LRCH3: variants seen among roughly 807,000 people sequenced by gnomAD.
LRCH3 encodes the protein leucine rich repeats and calponin homology domain containing 3, also known as DISP complex protein LRCH3.
In LRCH3, 68 loss-of-function variants were observed where a neutral mutation model predicts 104.5. The observed-to-expected ratio is 0.65, with a 90% CI of 0.54 to 0.80. The LOEUF (loss-of-function observed/expected upper bound fraction) is 0.80, where lower values mean the gene tolerates loss of function less well. Ranked by LOEUF, LRCH3 falls within the 30% of genes least tolerant of loss-of-function variation. LRCH3 has a pLI of 0.00. For synonymous variants in LRCH3, 344 were observed against 361.3 expected, an observed-to-expected ratio of 0.95 and a Z score of 0.54; for missense variants, 951 against 953.9, an observed-to-expected ratio of 1.00 and a Z score of 0.04.
At chr3:197,848,672 G>A (rs192090088) in intron 12 of LRCH3, among the ~76,000 whole-genome samples, 1 of 152,150 alleles carries the variant, frequency 6.6e-6, no homozygotes, top group African/African-American at 2.4e-5. Flanking sequence ...AACCATGTCT[G>A]TTTTACTTAC....
At chr3:197,852,741 C>T in intron 13 of LRCH3, 121 bp downstream of exon 13, 1 of 985,628 alleles carries the variant, frequency 1.0e-6, no homozygotes, top group Middle Eastern at 2.4e-4. Context: ...TTTTCCACCT[C>T]ACAATATTCT....
chr3:197,879,487 A>C (rs1713343805), intron 20 of LRCH3, among the ~76,000 whole-genome samples: 3 of 151,274 alleles, frequency 2.0e-5, no homozygotes, highest in Admixed American at 6.5e-5. Context: ...TCTACTAAAA[A>C]TACAAAAAAT....
At chr3:197,817,345 T>TGTGTG in intron 3 of LRCH3, 43 bp downstream of exon 3, 1 of 424,360 alleles carries the variant, frequency 2.4e-6, no homozygotes, top group Non-Finnish European at 3.3e-6. Flanking sequence ...TGTGTGTGTG[T>TGTGTG]CTGTGTGTGT....
intron 10 of LRCH3, among the ~76,000 whole-genome samples, chr3:197,841,167 G>T (rs940396411): frequency 2.0e-5 from 3 of 152,216 alleles, no homozygotes; most frequent in Non-Finnish European, 4.4e-5. Context: ...CAAAGTCAGG[G>T]TATCGGCTGG....
At chr3:197,820,296 A>G (rs1339723473) in intron 3 of LRCH3, 29 bp from the exon 4 acceptor site, 3 of 1,476,140 alleles carry the variant, frequency 2.0e-6, no homozygotes, top group East Asian at 2.3e-5. Flanking sequence ...ATGTTAGGAC[A>G]ATCTTTATTT....
chr3:197,850,293 G>T, intron 12 of LRCH3: 1 of 624,032 alleles, frequency 1.6e-6, no homozygotes, highest in Non-Finnish European at 2.8e-6. Context: ...ACTATTTTAA[G>T]TACATTATAT....
Position 197,877,769 on chromosome 3 carries a change from G to GT in LRCH3, c.2208+2004dup, listed in dbSNP as rs1289530075. Among the ~76,000 whole-genome samples, 341 of 148,056 alleles carry GT rather than the reference G, an allele frequency of 2.3e-3. 2 individuals are homozygous for GT. The highest frequency in any genetic ancestry group is 0.01 in the South Asian group (49 of 4,700). On this transcript the variant is annotated intron_variant, in intron 20 of 20. Transcript: ENST00000425562. Reference sequence around the variant, plus strand: ...TTATTTTTTACTTTTTTCTTTTGCTGTTTTTTTTTTAACTGAATTATACAA... The same window carrying GT: ...TTATTTTTTACTTTTTTCTTTTGCTGTTTTTTTTTTTAACTGAATTATACAA...
At chr3:197,825,591 T>G (rs559970045) in intron 4 of LRCH3, among the ~76,000 whole-genome samples, 1 of 145,208 alleles carries the variant, frequency 6.9e-6, no homozygotes, top group African/African-American at 2.5e-5. Flanking sequence ...GCCATTCTCC[T>G]GTCTCAGCCT....
rs1580820776 is a variant in LRCH3, at chr3:197,854,278, G to A, written c.1591-114G>A. ...TGTGAATGTGGTCCTCTATGTCAAC[G>A]TCTTCAAAAGTATGTCTTAATATGT... On this transcript the variant is annotated intron_variant, in intron 13 of 20. Transcript: ENST00000425562. The surrounding 1 kb of genome is among the most constrained non-coding windows in gnomAD (Gnocchi z 4.5). The A allele has an allele frequency of 1.6e-5, 14 of 902,542 alleles. No homozygotes were observed. Among genetic ancestry groups the A allele is most frequent in the African/African-American group, 4.9e-5 (3 of 60,958 alleles). The allele number at this position is 902,542 out of a possible 1,614,324, so 55.9% of individuals were successfully genotyped here.
At chr3:197,809,557 C>T (rs1460100797) in intron 1 of LRCH3, among the ~76,000 whole-genome samples, 5 of 152,024 alleles carry the variant, frequency 3.3e-5, no homozygotes. Flanking sequence ...TTGTTACAGT[C>T]CCATAAGTCC....
intron 1 of LRCH3, among the ~76,000 whole-genome samples, chr3:197,802,158 A>G (rs1045073594): frequency 1.6e-4 from 24 of 152,160 alleles, no homozygotes; most frequent in African/African-American, 5.1e-4. Flanking sequence ...GCCTCTTTTG[A>G]TTAATTCTAA....
At chr3:197,842,446 T>C (rs1737941869) in intron 10 of LRCH3, among the ~76,000 whole-genome samples, 1 of 152,174 alleles carries the variant, frequency 6.6e-6, no homozygotes, top group East Asian at 1.9e-4. Context: ...CTAATCTGAA[T>C]AACATGTTAA....
rs1714376295 is a variant in LRCH3, at chr3:197,888,091, AGTGACTAATGATGT to A, written c.*4433_*4446del. The stretch of plus-strand genomic sequence containing the variant: ...TTTCTCTTACTTTCTACAGCTCAGC[AGTGACTAATGATGT>A]GTGACTATGCGAATGAGTTTGATGA... On this transcript the variant is annotated 3_prime_UTR_variant, in exon 21 of 21. Transcript: ENST00000425562. The A allele has an allele frequency of 6.6e-6, 1 of 152,266 alleles. No individual in the cohort carries two copies. The highest frequency in any genetic ancestry group is 2.4e-5 in the African/African-American group (1 of 41,482). The allele number at this position is 152,266 out of a possible 1,614,324, so 9.4% of individuals were successfully genotyped here.
rs912253978 is a variant in LRCH3 at position 197,847,527 on chromosome 3, C to T, written c.1380+67C>T. ...AGATGATTTTTTTTCTTTTATAATA[C>T]TTAAATTGCCATTAATTGCCAGGTA... On this transcript the variant is annotated intron_variant, in intron 11 of 20. Transcript: ENST00000425562. 76 of 1,374,244 alleles carry T rather than the reference C, an allele frequency of 5.5e-5. No individual in the cohort carries two copies. The Admixed American group carries it at 1.5e-3, about 28-fold the overall frequency. The allele number at this position is 1,374,244 out of a possible 1,614,324, so 85.1% of individuals were successfully genotyped here. A position where few individuals can be genotyped will look rare whatever the true frequency, so the allele number is the denominator to read the frequency against.
In LRCH3 at chr3:197,847,429, C is replaced by T. The variant is rs752267836; in HGVS notation, c.1349C>T (p.Ser450Phe). The T allele has an allele frequency of 6.2e-7, 1 of 1,600,392 alleles. No individual in the cohort carries two copies. Among genetic ancestry groups the T allele is most frequent in the Non-Finnish European group, 8.5e-7 (1 of 1,174,998 alleles). Residue 450 changes from serine to phenylalanine, a missense_variant, in exon 11 of 21, where the codon TCC becomes TTC. Physicochemically the swap from Ser to Phe is radical, Grantham distance 155. Coordinates refer to ENST00000425562, the MANE Select transcript of LRCH3 (RefSeq NM_001365715.1). ...HQNRVPAEPSSLLSLSASHNQ... is the reference protein window; with the variant it reads ...HQNRVPAEPSFLLSLSASHNQ... ...GTCAGGGTTCCAGCTGAGCCATCTT[C>T]CCTCCTGTCACTATCAGCAAGTCAC...
chr3:197,832,701 T>C (rs531580998), intron 8 of LRCH3, among the ~76,000 whole-genome samples: 5 of 151,412 alleles, frequency 3.3e-5, no homozygotes, highest in African/African-American at 1.2e-4. Flanking sequence ...TTTTTTTTTT[T>C]CAGTGTTTAC....
chr3:197,817,388 G>A (rs1439069086), intron 3 of LRCH3, 86 bp downstream of exon 3: 2 of 104,002 alleles, frequency 1.9e-5, no homozygotes, highest in African/African-American at 1.6e-4. Context: ...ATGAAACCTT[G>A]GAGAGAGAGA....
Position 197,792,577 on chromosome 3 carries a change from T to A in LRCH3, c.262+1037T>A, listed in dbSNP as rs7615770. Among the ~76,000 whole-genome samples, 193 of 20,332 alleles carry A rather than the reference T, an allele frequency of 9.5e-3. 9 individuals carry two copies. Among genetic ancestry groups the A allele is most frequent in the Middle Eastern group, 0.022 (1 of 46 alleles). 13.3% of individuals were successfully genotyped at this position (20,332 alleles called of 152,430 possible). ...CAGCCGCCACCACGCCCAGCTAATT[T>A]TATATATATATATATATATATATAT... On this transcript the variant is annotated intron_variant, in intron 1 of 20. Coordinates refer to ENST00000425562, the MANE Select transcript of LRCH3 (RefSeq NM_001365715.1).
chr3:197,844,659 C>CT (rs1470794149), intron 10 of LRCH3, among the ~76,000 whole-genome samples: 14 of 152,072 alleles, frequency 9.2e-5, no homozygotes, highest in South Asian at 8.3e-4. Context: ...CACTCTGTCG[C>CT]CAGGCTGGAG....
Sources: allele counts gnomAD v4.1 joint callset (sites outside exome capture counted in the v4.1 genomes callset), GRCh38; gene constraint gnomAD v4.1.1; non-coding constraint Gnocchi (gnomAD v3.1); transcripts MANE v1.5; gene names NCBI Gene and HGNC (gene_info 2026-07-23, HGNC 2026-07-21).